Variants in CELSR3 observed in about 807,000 individuals in gnomAD.
The protein encoded by CELSR3 is EGF-like protein 1.
CELSR3 carries 73 observed loss-of-function variants against 270.0 expected under a neutral mutation model. That is an observed-to-expected ratio of 0.27 (90% confidence interval 0.22 to 0.33). The LOEUF is 0.33. CELSR3 is among the 10% of genes least tolerant of loss of function. The probability of loss-of-function intolerance (pLI) is 1.00; values close to 1 mark genes in which losing one functional copy is unlikely to be tolerated. For synonymous variants in CELSR3, 1,780 were observed against 1,905.4 expected, an observed-to-expected ratio of 0.93 and a Z score of 1.71; for missense variants, 3,614 against 4,533.8, an observed-to-expected ratio of 0.80 and a Z score of 5.83.
chr3:48,648,482 T>G (rs760839586), intron 18 of CELSR3, 21 bp from the exon 19 acceptor site: 2 of 1,514,170 alleles, frequency 1.3e-6, no homozygotes, highest in Non-Finnish European at 1.8e-6. Context: ...AGAGATAGAA[T>G]TGGGTTCAGC....
rs750824764 is a variant in CELSR3, at chr3:48,645,845, G to A, written c.7487C>T (p.Thr2496Ile). The change falls in exon 23 of 35, where the codon ACA becomes ATA. Residue 2496 changes from threonine (T) to isoleucine (I), a missense_variant. This residue lies in a region of CELSR3 where 1,240 missense variants were observed against 1,351.7 expected (regional missense o/e 0.92). Transcript: ENST00000164024. The surrounding 1 kb of genome is among the most constrained non-coding windows in gnomAD (Gnocchi z 5.4). Reference protein sequence around the residue: ...PGLAEQHGVWTARDCELVHRN... With the variant: ...PGLAEQHGVWIARDCELVHRN... ...GTGCACCAGCTCGCAGTCCCGTGCT[G>A]TCCACACACCATGCTGCTCCGCCCT... The A allele has an allele frequency of 6.2e-7, 1 of 1,606,514 alleles. No individual in the cohort carries two copies. Among genetic ancestry groups the A allele is most frequent in the South Asian group, 1.1e-5 (1 of 91,014 alleles).
Position 48,653,809 on chromosome 3 carries a change from G to C in CELSR3, c.5279-21C>G. On this transcript the variant is annotated intron_variant, in intron 8 of 34. Coordinates refer to ENST00000164024, the MANE Select transcript of CELSR3 (RefSeq NM_001407.3). This position sits in a 1 kb window ranked among gnomAD's most constrained non-coding sequence, Gnocchi z 6.5. Reference sequence around the variant, plus strand: ...CATAGCTGAGTGGATAAGAGAAACAGGGTTACAGCCCCTGCCCCAGGAACA... The same window carrying C: ...CATAGCTGAGTGGATAAGAGAAACACGGTTACAGCCCCTGCCCCAGGAACA... 6.2e-7 allele frequency: 1 copy of C among 1,613,154 alleles called. No individual in the cohort carries two copies. Among genetic ancestry groups the C allele is most frequent in the South Asian group, 1.1e-5 (1 of 91,078 alleles).
chr3:48,657,448 A>G lies in CELSR3; in HGVS notation c.3749-100T>C, dbSNP rs2077032963. 2 of 1,291,950 alleles carry G rather than the reference A, an allele frequency of 1.5e-6. No homozygotes were observed. Among genetic ancestry groups the G allele is most frequent in the African/African-American group, 1.5e-5 (1 of 66,912 alleles). 80.0% of individuals were successfully genotyped at this position (1,291,950 alleles called of 1,614,324 possible). On this transcript the variant is annotated intron_variant, in intron 1 of 34. Transcript: ENST00000164024. The surrounding 1 kb of genome is among the most constrained non-coding windows in gnomAD (Gnocchi z 5.4). ...GCCAGCGATAGCCTAGGCCCCCAGA[A>G]CCTCTAAGTCAGCAGGCTGACCCCA...
In CELSR3 at chr3:48,661,553, A is replaced by C; in HGVS notation, c.1082T>G (p.Val361Gly). The stretch of plus-strand genomic sequence containing the variant: ...GTTCATGAGTGCCGCCAGCGAGTAG[A>C]CTAGGCGCCCGGCCTCGCCGGCGTC... The part of the protein sequence containing the change: ...DPDAGEAGRL[V>G]YSLAALMNSR... The change falls in exon 1 of 35, where the codon GTC becomes GGC. Residue 361 changes from valine to glycine, a missense_variant. Coordinates refer to ENST00000164024, the MANE Select transcript of CELSR3 (RefSeq NM_001407.3). 1 of 1,608,440 alleles carries C rather than the reference A, an allele frequency of 6.2e-7. No homozygotes were observed. The highest frequency in any genetic ancestry group is 8.5e-7 in the Non-Finnish European group (1 of 1,178,680).
rs766762455 is a variant in CELSR3 at position 48,660,712 on chromosome 3, C to T, written c.1923G>A (p.Val641=). The part of the protein sequence containing the change: ...SNNTGLASIQ[V]VDINDHIPIF... ...TAGGAATGTGGTCATTGATGTCCAC[C>T]ACCTGGATGCTGGCCAGGCCCGTGT... Residue 641 remains valine (V), a synonymous_variant, in exon 1 of 35, where the codon GTG becomes GTA. Coordinates refer to ENST00000164024, the MANE Select transcript of CELSR3 (RefSeq NM_001407.3). The surrounding 1 kb of genome is among the most constrained non-coding windows in gnomAD (Gnocchi z 5.5). The T allele has an allele frequency of 2.5e-6, 4 of 1,613,974 alleles. No individual in the cohort carries two copies. The African/African-American group carries it at 5.3e-5, about 22-fold the overall frequency.
chr3:48,646,178 G>C lies in CELSR3; in HGVS notation c.7375C>G (p.Leu2459Val), dbSNP rs1289818492. 1 of 1,612,838 alleles carries C rather than the reference G, an allele frequency of 6.2e-7. No individual in the cohort carries two copies. Among genetic ancestry groups the C allele is most frequent in the East Asian group, 2.2e-5 (1 of 44,884 alleles). ...FHGRNFLRGI[L>V]ESPISLEFRL... ...AACTCTAGGCTGATGGGGGACTCCA[G>C]GATTCCCCTTAGGAAGTTGCGTCCG... Residue 2459 changes from leucine to valine, a missense_variant, in exon 22 of 35, where the codon CTG becomes GTG. This residue lies in a region of CELSR3 where 1,240 missense variants were observed against 1,351.7 expected (regional missense o/e 0.92). Transcript: ENST00000164024. This position sits in a 1 kb window ranked among gnomAD's most constrained non-coding sequence, Gnocchi z 4.8.
chr3:48,660,179 A>T lies in CELSR3; in HGVS notation c.2456T>A (p.Leu819Gln). 6.2e-7 allele frequency: 1 copy of T among 1,614,044 alleles called. No individual in the cohort carries two copies. The highest frequency in any genetic ancestry group is 8.5e-7 in the Non-Finnish European group (1 of 1,180,014). Reference sequence around the variant, plus strand: ...GAAGTAGCGTTCCTGCTTGTAGTCCAGTGGCAGAGCCAGAGTCACCAGACC... The same window carrying T: ...GAAGTAGCGTTCCTGCTTGTAGTCCTGTGGCAGAGCCAGAGTCACCAGACC... ...GVGLVTLALP[L>Q]DYKQERYFKL... The change falls in exon 1 of 35, where the codon CTG becomes CAG. Residue 819 changes from leucine to glutamine, a missense_variant. Physicochemically the swap from Leu to Gln is moderately radical, Grantham distance 113. Coordinates refer to ENST00000164024, the MANE Select transcript of CELSR3 (RefSeq NM_001407.3). This position sits in a 1 kb window ranked among gnomAD's most constrained non-coding sequence, Gnocchi z 5.5.
At position 48,637,987 on chromosome 3, in the gene CELSR3, G is replaced by C; in HGVS notation, c.*218C>G. 3 of 510,470 alleles carry C rather than the reference G, an allele frequency of 5.9e-6. No homozygotes were observed. The highest frequency in any genetic ancestry group is 1.1e-5 in the Non-Finnish European group (3 of 280,400). 31.6% of individuals were successfully genotyped at this position (510,470 alleles called of 1,614,324 possible). A position where few individuals can be genotyped will look rare whatever the true frequency, so the allele number is the denominator to read the frequency against. On this transcript the variant is annotated 3_prime_UTR_variant, in exon 35 of 35. Transcript: ENST00000164024. The stretch of plus-strand genomic sequence containing the variant: ...CTCTCTGGTTACAAAGGTACAAAAC[G>C]TATAAAAGTCTCCCTCCAGTCCCCC...
In CELSR3 at chr3:48,645,794, C is replaced by T. The variant is rs1332651462; in HGVS notation, c.7538G>A (p.Arg2513His). 29 of 1,611,670 alleles carry T rather than the reference C, an allele frequency of 1.8e-5. No individual in the cohort carries two copies. The highest frequency in any genetic ancestry group is 3.3e-5 in the South Asian group (3 of 91,080). Reference protein sequence around the residue: ...VHRNGSHARCRCSRTGTFGVL... With the variant: ...VHRNGSHARCHCSRTGTFGVL... ...CCCAAAGGTCCCTGTCCGGCTGCAG[C>T]GACACCGTGCGTGGGACCCATTCCT... Residue 2513 changes from arginine to histidine, a missense_variant, in exon 23 of 35, where the codon CGC becomes CAC. Around this residue, in one of 7 missense-constraint regions of CELSR3, gnomAD observed 1,240 missense variants for 1,351.7 expected, o/e 0.92. Coordinates refer to ENST00000164024, the MANE Select transcript of CELSR3 (RefSeq NM_001407.3). This position sits in a 1 kb window ranked among gnomAD's most constrained non-coding sequence, Gnocchi z 5.4.
Position 48,639,547 on chromosome 3 carries a change from T to C in CELSR3, c.9911+127A>G. On this transcript the variant is annotated intron_variant, in intron 34 of 34. Transcript: ENST00000164024. The surrounding 1 kb of genome is among the most constrained non-coding windows in gnomAD (Gnocchi z 4.1). ...CCAGCCTGTGGCCCTCTGGCTGTGCTGAGCCTGGGGTAGCCCACACCTGTC... is the reference window on the plus strand; with the variant it reads ...CCAGCCTGTGGCCCTCTGGCTGTGCCGAGCCTGGGGTAGCCCACACCTGTC... The C allele has an allele frequency of 7.7e-7, 1 of 1,302,644 alleles. No individual in the cohort carries two copies. The highest frequency in any genetic ancestry group is 1.4e-5 in the South Asian group (1 of 71,438). The allele number at this position is 1,302,644 out of a possible 1,614,324, so 80.7% of individuals were successfully genotyped here. A position where few individuals can be genotyped will look rare whatever the true frequency, so the allele number is the denominator to read the frequency against.
rs1394825052 is a variant in CELSR3, at chr3:48,660,222, T to C, written c.2413A>G (p.Ser805Gly). ...ACCAGACCCACACCCCCCTGGGTGCTGATGGCAAAGCGATTCCGGGTGTTG... is the reference window on the plus strand; with the variant it reads ...ACCAGACCCACACCCCCCTGGGTGCCGATGGCAAAGCGATTCCGGGTGTTG... ...GGNTRNRFAI[S>G]TQGGVGLVTL... The change falls in exon 1 of 35, where the codon AGC becomes GGC. Residue 805 changes from serine to glycine, a missense_variant. Physicochemically the swap from Ser to Gly is moderately conservative, Grantham distance 56. Transcript: ENST00000164024. The surrounding 1 kb of genome is among the most constrained non-coding windows in gnomAD (Gnocchi z 5.5). 6.2e-7 allele frequency: 1 copy of C among 1,614,114 alleles called. No homozygotes were observed. Among genetic ancestry groups the C allele is most frequent in the Middle Eastern group, 1.6e-4 (1 of 6,062 alleles).
In CELSR3 at chr3:48,639,930, G is replaced by T. The variant is rs2047007252; in HGVS notation, c.9655C>A (p.Pro3219Thr). 3 of 1,612,920 alleles carry T rather than the reference G, an allele frequency of 1.9e-6. No homozygotes were observed. The highest frequency in any genetic ancestry group is 2.7e-5 in the African/African-American group (2 of 74,944). Residue 3219 changes from proline to threonine, a missense_variant, in exon 34 of 35, where the codon CCA (proline) becomes ACA (threonine). Pro to Thr is a conservative substitution (Grantham distance 38). Coordinates refer to ENST00000164024, the MANE Select transcript of CELSR3 (RefSeq NM_001407.3). This position sits in a 1 kb window ranked among gnomAD's most constrained non-coding sequence, Gnocchi z 4.1. The stretch of plus-strand genomic sequence containing the variant: ...CTAGCTCTGAGCAGCTGCGGGAGTG[G>T]CCCAAGGGCTTCTCGTGAGGGGTGC... The part of the protein sequence containing the change: ...SRHPSREALG[P>T]LPQLLRARED...
In CELSR3 at chr3:48,639,130, C is replaced by T. The variant is rs932619238; in HGVS notation, c.9911+544G>A. Among the ~76,000 whole-genome samples, 5 of 152,102 alleles carry T rather than the reference C, an allele frequency of 3.3e-5. No individual in the cohort carries two copies. The highest frequency in any genetic ancestry group is 1.2e-4 in the African/African-American group (5 of 41,392). On this transcript the variant is annotated intron_variant, in intron 34 of 34. Coordinates refer to ENST00000164024, the MANE Select transcript of CELSR3 (RefSeq NM_001407.3). This position sits in a 1 kb window ranked among gnomAD's most constrained non-coding sequence, Gnocchi z 4.1. ...ACCCGAGATGAACCAGGTTCCAACT[C>T]AGTTCCTGTGAGCCCCACCCCAAAG...
In CELSR3 at chr3:48,662,455, G is replaced by C. The variant is rs1023441812; in HGVS notation, c.180C>G (p.Ala60=). 5 of 1,612,734 alleles carry C rather than the reference G, an allele frequency of 3.1e-6. No homozygotes were observed. The African/African-American group carries it at 6.7e-5, about 22-fold the overall frequency. Reference sequence around the variant, plus strand: ...CGGAAGACTCCGGACAAAGAGCTAAGGCTCCGCCACCGATATGCGCCCTTG... The same window carrying C: ...CGGAAGACTCCGGACAAAGAGCTAACGCTCCGCCACCGATATGCGCCCTTG... ...TGPRAHIGGG[A]LALCPESSGV... The change falls in exon 1 of 35, where the codon GCC becomes GCG. Residue 60 remains alanine (A), a synonymous_variant. Coordinates refer to ENST00000164024, the MANE Select transcript of CELSR3 (RefSeq NM_001407.3). This position sits in a 1 kb window ranked among gnomAD's most constrained non-coding sequence, Gnocchi z 7.1.
chr3:48,644,420 T>C lies in CELSR3; in HGVS notation c.8086-125A>G, dbSNP rs2047060349. 3 of 831,926 alleles carry C rather than the reference T, an allele frequency of 3.6e-6. No individual in the cohort carries two copies. Among genetic ancestry groups the C allele is most frequent in the African/African-American group, 1.7e-5 (1 of 59,054 alleles). The allele number at this position is 831,926 out of a possible 1,614,324, so 51.5% of individuals were successfully genotyped here. On this transcript the variant is annotated intron_variant, in intron 26 of 34. Coordinates refer to ENST00000164024, the MANE Select transcript of CELSR3 (RefSeq NM_001407.3). This position sits in a 1 kb window ranked among gnomAD's most constrained non-coding sequence, Gnocchi z 4.8. ...GCAGAACCAGTGAGAAATTCACACA[T>C]ATACACACACACCAAAGGAGCTTAG... is the stretch of plus-strand genomic sequence containing the variant.
Position 48,652,563 on chromosome 3 carries a change from G to A in CELSR3, c.5635-10C>T. On this transcript the variant is annotated splice_polypyrimidine_tract_variant and intron_variant, in intron 10 of 34. Coordinates refer to ENST00000164024, the MANE Select transcript of CELSR3 (RefSeq NM_001407.3). This position sits in a 1 kb window ranked among gnomAD's most constrained non-coding sequence, Gnocchi z 4.3. ...CCACCGCCATGGTGTCCTGGAGGAA[G>A]TGGGGCAGTCAGCACTGAGGGAGAG... is the stretch of plus-strand genomic sequence containing the variant. 6.3e-7 allele frequency: 1 copy of A among 1,599,538 alleles called. No homozygotes were observed. Among genetic ancestry groups the A allele is most frequent in the East Asian group, 2.2e-5 (1 of 44,758 alleles).
Position 48,645,965 on chromosome 3 carries a change from TAC to T in CELSR3, c.7464-99_7464-98del, listed in dbSNP as rs2047079325. On this transcript the variant is annotated intron_variant, in intron 22 of 34. Coordinates refer to ENST00000164024, the MANE Select transcript of CELSR3 (RefSeq NM_001407.3). The surrounding 1 kb of genome is among the most constrained non-coding windows in gnomAD (Gnocchi z 5.4). The stretch of plus-strand genomic sequence containing the variant: ...GGGCTGAGGGTGCCTGGAGTTGGGG[TAC>T]AGCATTCCTCATGGTCCGGGTTGCA... The T allele has an allele frequency of 1.9e-6, 3 of 1,569,346 alleles. No homozygotes were observed. The highest frequency in any genetic ancestry group is 2.7e-5 in the African/African-American group (2 of 74,008).
Position 48,654,309 on chromosome 3 carries a change from G to C in CELSR3, c.5132C>G (p.Ala1711Gly), listed in dbSNP as rs750992745. The C allele has an allele frequency of 6.2e-7, 1 of 1,613,822 alleles. No individual in the cohort carries two copies. The highest frequency in any genetic ancestry group is 1.3e-5 in the African/African-American group (1 of 75,052). The change falls in exon 7 of 35, where the codon GCA (alanine) becomes GGA (glycine). Residue 1711 changes from alanine to glycine, a missense_variant. By Grantham distance (60) the Ala-to-Gly change is moderately conservative. Coordinates refer to ENST00000164024, the MANE Select transcript of CELSR3 (RefSeq NM_001407.3). This position sits in a 1 kb window ranked among gnomAD's most constrained non-coding sequence, Gnocchi z 5.4. The stretch of plus-strand genomic sequence containing the variant: ...CCTACCTGCCATGGTGCCATTATTT[G>C]CGACAAAAGCCGCCATGTCCACTCG... Reference protein sequence around the residue: ...GRRVDMAAFVANNGTMAGCQA... With the variant: ...GRRVDMAAFVGNNGTMAGCQA...
At position 48,646,600 on chromosome 3, in the gene CELSR3, G is replaced by A. The variant is rs927786827; in HGVS notation, c.7295+163C>T. Reference sequence around the variant, plus strand: ...TGTCAGCCTGTGGCTCTGTCACTCTGCACAACTCCAGAGAATAAGATTCAC... The same window carrying A: ...TGTCAGCCTGTGGCTCTGTCACTCTACACAACTCCAGAGAATAAGATTCAC... On this transcript the variant is annotated intron_variant, in intron 21 of 34. Coordinates refer to ENST00000164024, the MANE Select transcript of CELSR3 (RefSeq NM_001407.3). This position sits in a 1 kb window ranked among gnomAD's most constrained non-coding sequence, Gnocchi z 4.8. 5.3e-5 allele frequency among the ~76,000 whole-genome samples: 8 copies of A among 152,306 alleles called. No homozygotes were observed. The highest frequency in any genetic ancestry group is 2.1e-4 in the South Asian group (1 of 4,830).
Sources: allele counts gnomAD v4.1 joint callset (sites outside exome capture counted in the v4.1 genomes callset), GRCh38; gene constraint gnomAD v4.1.1; regional missense constraint gnomAD v4.1.1; non-coding constraint Gnocchi (gnomAD v3.1); transcripts MANE v1.5; gene names NCBI Gene and HGNC (gene_info 2026-07-23, HGNC 2026-07-21).